NFIC: variants seen among roughly 807,000 people sequenced by gnomAD.
The protein encoded by NFIC is nuclear factor 1 C-type.
A neutral mutation model predicts 54.4 loss-of-function variants in NFIC; 12 were observed. The ratio of observed to expected loss-of-function variants is 0.22; its 90% CI spans 0.14 to 0.36. The LOEUF is 0.36. NFIC is among the 10% of genes least tolerant of loss of function. The pLI is 1.00. For synonymous variants in NFIC, 322 were observed against 319.2 expected (o/e 1.01, Z -0.09); for missense variants, 575 against 718.2 (o/e 0.80, Z 2.28).
chr19:3,410,817 T>C (rs7257029), intron 2 of NFIC: 143,031 of 152,412 alleles, frequency 0.94, 67,134 homozygotes, highest in East Asian at 0.97. Flanking sequence ...GCCCGCGTTA[T>C]AGATGAGCGG....
upstream of NFIC, among the ~76,000 whole-genome samples, chr19:3,363,241 GTATATATATATATA>G (rs1555736643): frequency 1.3e-5 from 1 of 77,030 alleles, no homozygotes; most frequent in Non-Finnish European, 2.5e-5. Context: ...GTATGTGTGT[GTATATATATATATA>G]TATATATATA....
chr19:3,433,424 C>CCA, intron 3 of NFIC, 94 bp from the exon 4 acceptor site: 4 of 1,347,776 alleles, frequency 3.0e-6, no homozygotes, highest in Non-Finnish European at 4.2e-6. Flanking sequence ...CGTCCAGGCT[C>CCA]GGGCCAGCCC....
chr19:3,428,725 C>T (rs375758931), intron 3 of NFIC, among the ~76,000 whole-genome samples: 41 of 152,146 alleles, frequency 2.7e-4, no homozygotes, highest in Admixed American at 1.3e-4. Flanking sequence ...GGAGCTTGGG[C>T]GTCTGGTAGA....
At chr19:3,396,353 T>A (rs1187598172) in intron 2 of NFIC, among the ~76,000 whole-genome samples, 1 of 151,416 alleles carries the variant, frequency 6.6e-6, no homozygotes, top group African/African-American at 2.4e-5. Flanking sequence ...GCGCCTGTAG[T>A]CCCAGCTACT....
chr19:3,396,958 C>G (rs1482585969), intron 2 of NFIC, among the ~76,000 whole-genome samples: 1 of 151,038 alleles, frequency 6.6e-6, no homozygotes, highest in Non-Finnish European at 1.5e-5. Flanking sequence ...CCATCTCAAA[C>G]AAACAAACAA....
chr19:3,366,480 AGGAGGAGGGAGACCGAG>A (rs2080884852), upstream of NFIC: 1 of 490,620 alleles, frequency 2.0e-6, no homozygotes, highest in African/African-American at 2.4e-5. Context: ...AGCAGGAGGG[AGGAGGAGGGAGACCGAG>A]GGAGGAGGCG....
intron 2 of NFIC, among the ~76,000 whole-genome samples, chr19:3,410,063 C>T (rs144452957): frequency 0.011 from 1,667 of 151,314 alleles, 31 homozygotes; most frequent in African/African-American, 0.036. Flanking sequence ...TTTCCTGAGA[C>T]GGAGTCTCGC....
rs148855709 is a variant in NFIC at position 3,368,175 on chromosome 19, G to A, written c.30+1509G>A. On this transcript the variant is annotated intron_variant, in intron 1 of 10. Coordinates refer to ENST00000443272, the MANE Select transcript of NFIC (RefSeq NM_001245002.2). ...GGCAGCCTTTGAAGTCTCTGGGCTT[G>A]TGGGGTGACTGAGGTGTCCCCGCTC... Among the ~76,000 whole-genome samples the A allele has an allele frequency of 2.2e-3, 330 of 152,316 alleles. 1 individual carries two copies. The highest frequency in any genetic ancestry group is 7.5e-3 in the African/African-American group (311 of 41,564).
chr19:3,413,154 A>G (rs1297970190), intron 2 of NFIC, among the ~76,000 whole-genome samples: 6 of 151,948 alleles, frequency 3.9e-5, no homozygotes, highest in African/African-American at 1.5e-4. Context: ...TCACCGTGTT[A>G]GCCAGGCTGG....
In NFIC at chr19:3,433,474, C is replaced by T. The variant is rs112778182; in HGVS notation, c.635-44C>T. ...AGCCCTGGAGTGTGGGGAAGGGAAA[C>T]AGGCCCAGCTCAGCCTACTGACCCC... On this transcript the variant is annotated intron_variant, in intron 3 of 10. Coordinates refer to ENST00000443272, the MANE Select transcript of NFIC (RefSeq NM_001245002.2). The T allele has an allele frequency of 3.9e-3, 6,187 of 1,605,552 alleles. 218 individuals are homozygous for T. In the African/African-American group the frequency reaches 0.071, roughly 18 times the overall value.
At chr19:3,462,663 G>A (rs757034070) in intron 10 of NFIC, 89 bp from the exon 11 acceptor site, 1 of 1,446,892 alleles carries the variant, frequency 6.9e-7, no homozygotes, top group Non-Finnish European at 9.7e-7. Context: ...AGCGTGGGAA[G>A]AGGTAAACCA....
Position 3,463,020 on chromosome 19 carries a change from CG to C in NFIC, c.*252del, listed in dbSNP as rs1355115637. On this transcript the variant is annotated 3_prime_UTR_variant, in exon 11 of 11. Coordinates refer to ENST00000443272, the MANE Select transcript of NFIC (RefSeq NM_001245002.2). ...AAGAAGACAAAAGGTAAAGACGCAA[CG>C]TTTCCAACTCTCGGGACGCCAAGGC... 1.5e-6 allele frequency: 2 copies of C among 1,365,818 alleles called. No homozygotes were observed. The highest frequency in any genetic ancestry group is 1.9e-6 in the Non-Finnish European group (2 of 1,064,212). The allele number at this position is 1,365,818 out of a possible 1,614,324, so 84.6% of individuals were successfully genotyped here. A position where few individuals can be genotyped will look rare whatever the true frequency, so the allele number is the denominator to read the frequency against.
chr19:3,365,087 A>G (rs1218742098), upstream of NFIC, among the ~76,000 whole-genome samples: 2 of 152,194 alleles, frequency 1.3e-5, no homozygotes, highest in African/African-American at 4.8e-5. Context: ...CCTACGCTGC[A>G]GGAATTCTGC....
chr19:3,372,502 G>A (rs1178782713), intron 1 of NFIC, among the ~76,000 whole-genome samples: 1 of 152,210 alleles, frequency 6.6e-6, no homozygotes, highest in Non-Finnish European at 1.5e-5. Flanking sequence ...TCAAAGCTGT[G>A]CCCTTGTGGG....
chr19:3,400,766 C>T (rs1301386130), intron 2 of NFIC, among the ~76,000 whole-genome samples: 2 of 151,778 alleles, frequency 1.3e-5, no homozygotes, highest in South Asian at 2.1e-4. Flanking sequence ...CGCTTGAACC[C>T]GGAAGGCGGA....
chr19:3,370,673 GTTCCTCTTCTTTCTC>G lies in NFIC; in HGVS notation c.30+4009_30+4023del, dbSNP rs2080989579. Among the ~76,000 whole-genome samples the G allele has an allele frequency of 7.5e-6, 1 of 132,714 alleles. No homozygotes were observed. Among genetic ancestry groups the G allele is most frequent in the Non-Finnish European group, 1.6e-5 (1 of 62,972 alleles). 87.1% of individuals were successfully genotyped at this position (132,714 alleles called of 152,430 possible). The stretch of plus-strand genomic sequence containing the variant: ...TTTCTCCCTCCCTACCTCCCTCTCT[GTTCCTCTTCTTTCTC>G]TCTGTCTGTCTCTTTCTTTCTCCCT... On this transcript the variant is annotated intron_variant, in intron 1 of 10. Coordinates refer to ENST00000443272, the MANE Select transcript of NFIC (RefSeq NM_001245002.2). The surrounding 1 kb of genome is among the most constrained non-coding windows in gnomAD (Gnocchi z 5.2).
At chr19:3,444,591 C>G (rs947073445) in intron 6 of NFIC, among the ~76,000 whole-genome samples, 3 of 152,210 alleles carry the variant, frequency 2.0e-5, no homozygotes, top group Non-Finnish European at 4.4e-5. Flanking sequence ...CTGCGCTCCC[C>G]CCTCCTTCCT....
intron 1 of NFIC, among the ~76,000 whole-genome samples, chr19:3,361,033 A>G (rs2145409413): frequency 6.6e-6 from 1 of 152,282 alleles, no homozygotes; most frequent in South Asian, 2.1e-4. Flanking sequence ...GCGGAGGAAG[A>G]GCGCTCCCTC....
intron 7 of NFIC, among the ~76,000 whole-genome samples, chr19:3,450,653 T>G (rs2082447788): frequency 6.6e-6 from 1 of 150,984 alleles, no homozygotes; most frequent in Admixed American, 6.6e-5. Context: ...AGACTCCATC[T>G]CAAAAAAAAA....
Sources: gnomAD v4.1 joint callset for allele counts (sites outside exome capture counted in the v4.1 genomes callset) on GRCh38, gnomAD v4.1.1 for gene constraint, Gnocchi (gnomAD v3.1) non-coding constraint, MANE v1.5 for transcripts, NCBI Gene and HGNC (gene_info 2026-07-23, HGNC 2026-07-21) for gene names.